Variants in FAM184A observed in about 807,000 individuals in gnomAD.
The protein encoded by FAM184A is protein FAM184A.
FAM184A carries 99 observed loss-of-function variants against 143.8 expected under a neutral mutation model. The observed-to-expected ratio is 0.69, with a 90% confidence interval of 0.58 to 0.81. The LOEUF (loss-of-function observed/expected upper bound fraction) is 0.81. Ranked by LOEUF, FAM184A falls within the 40% of genes least tolerant of loss-of-function variation. The pLI is 0.00. For missense variants in FAM184A, 1,217 were observed against 1,310.5 expected, an observed-to-expected ratio of 0.93 and a Z score of 1.10; for synonymous variants, 427 against 446.4, an observed-to-expected ratio of 0.96 and a Z score of 0.55.
At chr6:119,141,248 G>A (rs1371292840) in intron 1 of FAM184A, among the ~76,000 whole-genome samples, 1 of 152,160 alleles carries the variant, frequency 6.6e-6, no homozygotes, top group South Asian at 2.1e-4. Flanking sequence ...AATTGCCCTG[G>A]TGTTGATCTT....
chr6:118,984,493 A>G (rs753572431), intron 9 of FAM184A, among the ~76,000 whole-genome samples: 6 of 148,744 alleles, frequency 4.0e-5, no homozygotes, highest in African/African-American at 9.7e-5. Context: ...TTTACAGACC[A>G]GTTTCACAAA....
Position 118,980,327 on chromosome 6 carries a change from C to T in FAM184A, c.2112G>A (p.Leu704=). The change falls in exon 10 of 18, where the codon CTG becomes CTA. Residue 704 remains leucine (L), a synonymous_variant. Coordinates refer to ENST00000338891, the MANE Select transcript of FAM184A (RefSeq NM_024581.6). The part of the protein sequence containing the change: ...LNQISLLKQN[L]EIQLSQSQTS... Reference sequence around the variant, plus strand: ...TCTGAGACTGGGAAAGCTGTATCTCCAGATTCTGTTTCAGCAAGGAAATCT... The same window carrying T: ...TCTGAGACTGGGAAAGCTGTATCTCTAGATTCTGTTTCAGCAAGGAAATCT... 1 of 1,613,908 alleles carries T rather than the reference C, an allele frequency of 6.2e-7. No individual in the cohort carries two copies. Among genetic ancestry groups the T allele is most frequent in the Non-Finnish European group, 8.5e-7 (1 of 1,179,902 alleles).
intron 7 of FAM184A, 189 bp downstream of exon 7, chr6:119,006,258 C>A: frequency 2.7e-6 from 2 of 751,036 alleles, no homozygotes; most frequent in Non-Finnish European, 2.4e-6. Flanking sequence ...GGACTTCTAG[C>A]CTCCAGAGCT....
chr6:119,135,952 A>G (rs1253786166), intron 1 of FAM184A, among the ~76,000 whole-genome samples: 4 of 151,494 alleles, frequency 2.6e-5, no homozygotes, highest in African/African-American at 9.7e-5. Flanking sequence ...GGCCCTAAAT[A>G]TTAGGGTTTT....
chr6:119,124,062 T>C (rs1789295230), intron 1 of FAM184A, among the ~76,000 whole-genome samples: 1 of 152,222 alleles, frequency 6.6e-6, no homozygotes, highest in Admixed American at 6.5e-5. Flanking sequence ...ATATCCACTT[T>C]GAAATTTCTC....
intron 1 of FAM184A, among the ~76,000 whole-genome samples, chr6:119,042,034 C>A (rs1430569563): frequency 6.6e-6 from 1 of 152,146 alleles, no homozygotes; most frequent in African/African-American, 2.4e-5. Context: ...CAAGGACCCC[C>A]TGGTAACAGG....
chr6:119,067,560 G>A (rs1787502838), intron 1 of FAM184A, among the ~76,000 whole-genome samples: 1 of 152,188 alleles, frequency 6.6e-6, no homozygotes, highest in African/African-American at 2.4e-5. Context: ...ATATTTGGCT[G>A]TGGCTTCACT....
chr6:119,048,283 G>T (rs1022479505), intron 1 of FAM184A, among the ~76,000 whole-genome samples: 3 of 152,046 alleles, frequency 2.0e-5, no homozygotes, highest in African/African-American at 7.3e-5. Flanking sequence ...ATACTGAATG[G>T]GCAAAAGCTG....
chr6:119,058,701 T>C (rs1463020790), intron 1 of FAM184A, among the ~76,000 whole-genome samples: 1 of 152,188 alleles, frequency 6.6e-6, no homozygotes, highest in African/African-American at 2.4e-5. Flanking sequence ...ACCTACACTG[T>C]CCTCCAGGTC....
intron 7 of FAM184A, among the ~76,000 whole-genome samples, chr6:119,004,542 G>A (rs962049249): frequency 2.6e-5 from 4 of 152,044 alleles, no homozygotes; most frequent in African/African-American, 4.8e-5. Flanking sequence ...TTAATTTTCC[G>A]CCAAAGGCAA....
Position 118,976,013 on chromosome 6 carries a change from A to G in FAM184A, c.2487T>C (p.His829=). 1 of 1,613,432 alleles carries G rather than the reference A, an allele frequency of 6.2e-7. No individual in the cohort carries two copies. Among genetic ancestry groups the G allele is most frequent in the Non-Finnish European group, 8.5e-7 (1 of 1,179,860 alleles). The change falls in exon 12 of 18, where the codon CAT becomes CAC. Residue 829 remains histidine, a synonymous_variant. Coordinates refer to ENST00000338891, the MANE Select transcript of FAM184A (RefSeq NM_024581.6). The part of the protein sequence containing the change: ...ASLRSELNHQ[H]AAAIDLLRHN... ...GCCGTAACAAATCAATTGCAGCTGC[A>G]TGTTGATGGTTGAGTTCTGAGCGCA... is the stretch of plus-strand genomic sequence containing the variant.
intron 1 of FAM184A, among the ~76,000 whole-genome samples, chr6:119,103,979 A>AATGTATTGTGCCAT (rs1470048684): frequency 2.0e-5 from 3 of 151,404 alleles, no homozygotes; most frequent in Non-Finnish European, 4.4e-5. Context: ...CTCTGGTAAT[A>AATGTATTGTGCCAT]ATGTATTGTG....
chr6:119,016,629 C>T (rs567335914), intron 5 of FAM184A, 118 bp downstream of exon 5: 80 of 793,794 alleles, frequency 1.0e-4, no homozygotes, highest in South Asian at 6.7e-4. Flanking sequence ...ACACTCACCG[C>T]GGGGGTCCGT....
Position 119,097,568 on chromosome 6 carries a change from C to A in FAM184A, c.-202+51510G>T, listed in dbSNP as rs545328081. Among the ~76,000 whole-genome samples the A allele has an allele frequency of 1.9e-4, 29 of 152,300 alleles. 1 individual carries two copies. The highest frequency in any genetic ancestry group is 6.8e-3 in the Middle Eastern group (2 of 294). On this transcript the variant is annotated intron_variant, in intron 1 of 16. Transcript: ENST00000352896. ...ATATAAGTCTTTTCTACCACGGTCCCTGGCTCATAACTCCCATAGCCCTGG... is the reference window on the plus strand; with the variant it reads ...ATATAAGTCTTTTCTACCACGGTCCATGGCTCATAACTCCCATAGCCCTGG...
upstream of FAM184A, among the ~76,000 whole-genome samples, chr6:119,081,439 G>A (rs1413276829): frequency 2.6e-5 from 4 of 152,210 alleles, no homozygotes; most frequent in Non-Finnish European, 5.9e-5. Context: ...CCCCAAAGCA[G>A]TGTCTAGGGG....
intron 1 of FAM184A, among the ~76,000 whole-genome samples, chr6:119,123,740 T>C (rs931648312): frequency 1.3e-5 from 2 of 152,240 alleles, no homozygotes; most frequent in African/African-American, 2.4e-5. Flanking sequence ...ATTGTTTATG[T>C]TGACAAGTTG....
At chr6:118,970,008 A>ATATATATATATATATATTTTTTTTTTTTT in intron 14 of FAM184A, among the ~76,000 whole-genome samples, 2 of 19,044 alleles carry the variant, frequency 1.1e-4, no homozygotes, top group African/African-American at 1.5e-4. Context: ...ATATATATAT[A>ATATATATATATATATATTTTTTTTTTTTT]TTTTTTTTTT....
intron 9 of FAM184A, among the ~76,000 whole-genome samples, chr6:118,999,736 C>G (rs1784687968): frequency 6.6e-6 from 1 of 152,106 alleles, no homozygotes; most frequent in African/African-American, 2.4e-5. Flanking sequence ...CGATTTGTAG[C>G]ATTTGCTGAT....
At position 119,078,007 on chromosome 6, in the gene FAM184A, C is replaced by A; in HGVS notation, c.159+134G>T. 1.9e-6 allele frequency: 2 copies of A among 1,068,076 alleles called. No individual in the cohort carries two copies. The highest frequency in any genetic ancestry group is 5.6e-5 in the East Asian group (2 of 35,482). The allele number at this position is 1,068,076 out of a possible 1,614,324, so 66.2% of individuals were successfully genotyped here. A position where few individuals can be genotyped will look rare whatever the true frequency, so the allele number is the denominator to read the frequency against. ...AAAGTTTGCAGGGTTTTGGAGGTGT[C>A]TCCGGCTGTTGCTTCGGCGGAGGAG... On this transcript the variant is annotated intron_variant, in intron 1 of 17. Coordinates refer to ENST00000338891, the MANE Select transcript of FAM184A (RefSeq NM_024581.6). This position sits in a 1 kb window ranked among gnomAD's most constrained non-coding sequence, Gnocchi z 5.5.
Sources: allele counts gnomAD v4.1 joint callset (sites outside exome capture counted in the v4.1 genomes callset), GRCh38; gene constraint gnomAD v4.1.1; non-coding constraint Gnocchi (gnomAD v3.1); transcripts MANE v1.5; gene names NCBI Gene and HGNC (gene_info 2026-07-23, HGNC 2026-07-21).